Variants in INTS1 observed in about 807,000 individuals in gnomAD.
INTS1 encodes the protein integrator complex subunit 1.
INTS1 carries 137 observed loss-of-function variants against 241.6 expected under a neutral mutation model. The ratio of observed to expected loss-of-function variants is 0.57; its 90% CI spans 0.49 to 0.65. The LOEUF is 0.65. Ranked by LOEUF, INTS1 falls within the 30% of genes least tolerant of loss-of-function variation. INTS1 has a pLI of 0.00. For synonymous variants in INTS1, 1,692 were observed against 1,337.8 expected, an observed-to-expected ratio of 1.26 and a Z score of -5.78; for missense variants, 3,073 against 3,032.2, an observed-to-expected ratio of 1.01 and a Z score of -0.32.
rs181709923 is a variant in INTS1, at chr7:1,482,887, G to A, written c.3542-180C>T. The A allele has an allele frequency of 1.6e-4, 107 of 661,916 alleles. No individual in the cohort carries two copies. The East Asian group carries it at 2.3e-3, about 14-fold the overall frequency. 41.0% of individuals were successfully genotyped at this position (661,916 alleles called of 1,614,324 possible). Reference sequence around the variant, plus strand: ...GTGCGGATGCTTTGCGTAGGTGCACGCATTTGATCCTCACAGATGCTGCAG... The same window carrying A: ...GTGCGGATGCTTTGCGTAGGTGCACACATTTGATCCTCACAGATGCTGCAG... On this transcript the variant is annotated intron_variant, in intron 26 of 47. Coordinates refer to ENST00000404767, the MANE Select transcript of INTS1 (RefSeq NM_001080453.3).
chr7:1,499,788 C>A, intron 5 of INTS1, 96 bp downstream of exon 5: 1 of 1,490,622 alleles, frequency 6.7e-7, no homozygotes, highest in Non-Finnish European at 9.0e-7. Context: ...CTGTCAGACA[C>A]AGCCCTCTGG....
chr7:1,496,172 G>A lies in INTS1; in HGVS notation c.1695C>T (p.Asp565=). 1.2e-6 allele frequency: 2 copies of A among 1,613,712 alleles called. No individual in the cohort carries two copies. Among genetic ancestry groups the A allele is most frequent in the South Asian group, 1.1e-5 (1 of 91,080 alleles). ...CATCCTTACTCCTCTTTTCTCCTTTGTCCCAGGCGATGCCGGCCTCCTTCA... is the reference window on the plus strand; with the variant it reads ...CATCCTTACTCCTCTTTTCTCCTTTATCCCAGGCGATGCCGGCCTCCTTCA... ...AQVKEAGIAW[D]KGEKRNLEVL... Residue 565 remains aspartate (D), a synonymous_variant, in exon 12 of 48, where the codon GAC becomes GAT. Transcript: ENST00000404767.
At chr7:1,485,523 CA>C (rs1562500742) in intron 22 of INTS1, 54 bp from the exon 23 acceptor site, 3 of 1,563,562 alleles carry the variant, frequency 1.9e-6, no homozygotes, top group East Asian at 4.7e-5. Flanking sequence ...GGCAGGGTCT[CA>C]CCCTGGCCCC....
chr7:1,473,286 A>C (rs1343070370), intron 42 of INTS1, 102 bp from the exon 43 acceptor site: 2 of 544,890 alleles, frequency 3.7e-6, no homozygotes, highest in Non-Finnish European at 6.4e-6. Flanking sequence ...GGACACAGGC[A>C]TGCAGGAGAG....
At chr7:1,477,436 G>GA (rs1781774936) in intron 35 of INTS1, 114 bp downstream of exon 35, 1 of 1,198,088 alleles carries the variant, frequency 8.3e-7, no homozygotes, top group African/African-American at 1.5e-5. Context: ...CCTGAGAGCA[G>GA]GGGGGGTGCT....
rs1437672349 is a variant in INTS1, at chr7:1,482,569, T to A, written c.3680A>T (p.Glu1227Val). The A allele has an allele frequency of 6.2e-7, 1 of 1,612,498 alleles. No homozygotes were observed. Among genetic ancestry groups the A allele is most frequent in the African/African-American group, 1.3e-5 (1 of 74,942 alleles). Residue 1227 changes from glutamate to valine, a missense_variant, in exon 27 of 48, where the codon GAG becomes GTG. Transcript: ENST00000404767. ...DWLKLRMIRS[E>V]VLRLVDAALQ... ...ACCGGCGTCCACCAGGCGGAGCACC[T>A]CAGAACGGATCATGCGCAGCTTCAG...
rs372179562 is a variant in INTS1 at position 1,474,153 on chromosome 7, G to T, written c.5829+15C>A. 3.2e-6 allele frequency: 5 copies of T among 1,543,710 alleles called. No homozygotes were observed. The Admixed American group carries it at 9.0e-5, about 28-fold the overall frequency. On this transcript the variant is annotated intron_variant, in intron 41 of 47. Transcript: ENST00000404767. ...AGTGGAAGGGAGCGCGAGGGCGGGC[G>T]GCGGGAGCACACACCAGCAGCAGGC...
In INTS1 at chr7:1,486,661, G is replaced by A. The variant is rs1238803338; in HGVS notation, c.2940C>T (p.Gly980=). The change falls in exon 22 of 48, where the codon GGC becomes GGT. Residue 980 remains glycine (G), a synonymous_variant. Coordinates refer to ENST00000404767, the MANE Select transcript of INTS1 (RefSeq NM_001080453.3). ...GCACGCGGGAGGCCACCTGGGAGGA[G>A]CCGAGGCGCCGCAAGAAGTAGTCCA... The part of the protein sequence containing the change: ...EVLDYFLRRL[G]SSQVASRVLA... The A allele has an allele frequency of 6.2e-7, 1 of 1,611,902 alleles. No individual in the cohort carries two copies. The highest frequency in any genetic ancestry group is 2.2e-5 in the East Asian group (1 of 44,868).
At chr7:1,495,093 G>A (rs1055591826) in intron 13 of INTS1, among the ~76,000 whole-genome samples, 200 bp from the exon 14 acceptor site, 2 of 137,424 alleles carry the variant, frequency 1.5e-5, no homozygotes, top group South Asian at 2.4e-4. Context: ...CACAGCGGCC[G>A]AACGGGGCTG....
At chr7:1,486,417 C>A (rs983509361) in intron 22 of INTS1, among the ~76,000 whole-genome samples, 1 of 151,996 alleles carries the variant, frequency 6.6e-6, no homozygotes, top group African/African-American at 2.4e-5. Context: ...GCCCCCTCCA[C>A]CACGCCCAGC....
chr7:1,471,625 C>G lies in INTS1; in HGVS notation c.6201G>C (p.Leu2067=). Residue 2067 remains leucine, a synonymous_variant, in exon 45 of 48, where the codon CTG becomes CTC. Transcript: ENST00000404767. ...GCCGGGACATCTCGTCTATGTCACT[C>G]AGAACCTCCAGCAGATCTGACACAG... ...GQTVEDLLEV[L]SDIDEMSRRR... is the part of the protein sequence containing the mutation. 1.2e-6 allele frequency: 2 copies of G among 1,612,394 alleles called. No homozygotes were observed. The highest frequency in any genetic ancestry group is 1.1e-5 in the South Asian group (1 of 91,090).
rs1380285175 is a variant in INTS1, at chr7:1,479,520, G to T, written c.4239C>A (p.Leu1413=). ...VRVLQALATL[L]SSPHGGALVM... ...CCAGGGCACCGCCGTGTGGGGAGCT[G>T]AGCAGGGTGGCGAGGGCCTGCAGGA... The change falls in exon 31 of 48, where the codon CTC becomes CTA. Residue 1413 remains leucine (L), a synonymous_variant. Transcript: ENST00000404767. 1.3e-6 allele frequency: 2 copies of T among 1,567,184 alleles called. No individual in the cohort carries two copies. Among genetic ancestry groups the T allele is most frequent in the Admixed American group, 1.9e-5 (1 of 53,672 alleles).
At position 1,481,013 on chromosome 7, in the gene INTS1, T is replaced by C; in HGVS notation, c.3851-80A>G. 1 of 1,045,740 alleles carries C rather than the reference T, an allele frequency of 9.6e-7. No individual in the cohort carries two copies. Among genetic ancestry groups the C allele is most frequent in the South Asian group, 1.4e-5 (1 of 72,064 alleles). The allele number at this position is 1,045,740 out of a possible 1,614,324, so 64.8% of individuals were successfully genotyped here. A position where few individuals can be genotyped will look rare whatever the true frequency, so the allele number is the denominator to read the frequency against. On this transcript the variant is annotated intron_variant, in intron 28 of 47. Coordinates refer to ENST00000404767, the MANE Select transcript of INTS1 (RefSeq NM_001080453.3). The surrounding 1 kb of genome is among the most constrained non-coding windows in gnomAD (Gnocchi z 6.8). ...CCTTCCCTCTCCACAGAAACCAGAG[T>C]TGGAGATGCCCCCACCGTCACCAGC...
chr7:1,472,059 A>T (rs1376626969), intron 44 of INTS1, among the ~76,000 whole-genome samples: 7 of 152,164 alleles, frequency 4.6e-5, no homozygotes, highest in Admixed American at 4.6e-4. Flanking sequence ...CTGTGCCTGA[A>T]GCAGAGCAGC....
chr7:1,500,407 A>G (rs759267758), intron 3 of INTS1, 41 bp from the exon 4 acceptor site: 10 of 1,496,754 alleles, frequency 6.7e-6, no homozygotes, highest in Non-Finnish European at 8.9e-6. Context: ...GGGCCAGGGC[A>G]GGGTCACCCC....
Position 1,479,432 on chromosome 7 carries a change from G to T in INTS1, c.4327C>A (p.Gln1443Lys). Residue 1443 changes from glutamine to lysine, a missense_variant and splice_region_variant, in exon 31 of 48, where the codon CAG (glutamine) becomes AAG (lysine). Transcript: ENST00000404767. ...CPLLRQLCQY[Q>K]RCVPQDTGFS... ...GCAAGAGGCCCACGCCCAAGTACCT[G>T]GTACTGGCAGAGCTGGCGCAGCAGC... The T allele has an allele frequency of 6.3e-7, 1 of 1,576,326 alleles. No homozygotes were observed. The highest frequency in any genetic ancestry group is 8.6e-7 in the Non-Finnish European group (1 of 1,162,006).
At position 1,475,817 on chromosome 7, in the gene INTS1, G is replaced by C. The variant is rs930144120; in HGVS notation, c.5502+131C>G. Reference sequence around the variant, plus strand: ...CGCAGACAAACCCACAGGGCCACAGGGCGGCGCGGACTGGGAAGGGGCAAG... The same window carrying C: ...CGCAGACAAACCCACAGGGCCACAGCGCGGCGCGGACTGGGAAGGGGCAAG... On this transcript the variant is annotated intron_variant, in intron 39 of 47. Coordinates refer to ENST00000404767, the MANE Select transcript of INTS1 (RefSeq NM_001080453.3). 7.7e-6 allele frequency: 9 copies of C among 1,166,570 alleles called. No individual in the cohort carries two copies. In the African/African-American group the frequency reaches 1.4e-4, roughly 18 times the overall value. 72.3% of individuals were successfully genotyped at this position (1,166,570 alleles called of 1,614,324 possible). A position where few individuals can be genotyped will look rare whatever the true frequency, so the allele number is the denominator to read the frequency against.
chr7:1,486,948 T>C lies in INTS1; in HGVS notation c.2800A>G (p.Lys934Glu). Reference sequence around the variant, plus strand: ...TGCCGCTTCTTGGCCTTCTGCTCCTTGCTCTCGCCCTCGTCGTCCTCCTCC... The same window carrying C: ...TGCCGCTTCTTGGCCTTCTGCTCCTCGCTCTCGCCCTCGTCGTCCTCCTCC... ...SGEEDDEGES[K>E]EQKAKKRQRQ... The change falls in exon 21 of 48, where the codon AAG becomes GAG. Residue 934 changes from lysine (K) to glutamate (E), a missense_variant. Transcript: ENST00000404767. 6.2e-7 allele frequency: 1 copy of C among 1,606,914 alleles called. No individual in the cohort carries two copies. The highest frequency in any genetic ancestry group is 8.5e-7 in the Non-Finnish European group (1 of 1,179,096).
Position 1,485,250 on chromosome 7 carries a change from TCTCATCTTTCCCTGCCGCGGCCCC to T in INTS1, c.3156+16_3156+39del, listed in dbSNP as rs774011050. ...CGGCAACAGGGCAGGGCTGCGGCCCTCTCATCTTTCCCTGCCGCGGCCCCGGTCAGCGCCCTCACCTGCTGCAGG... is the reference window on the plus strand; with the variant it reads ...CGGCAACAGGGCAGGGCTGCGGCCCTGGTCAGCGCCCTCACCTGCTGCAGG... On this transcript the variant is annotated intron_variant, in intron 23 of 47. Transcript: ENST00000404767. 1.9e-6 allele frequency: 3 copies of T among 1,597,302 alleles called. No homozygotes were observed. The highest frequency in any genetic ancestry group is 2.6e-6 in the Non-Finnish European group (3 of 1,175,702).
Sources: gnomAD v4.1 joint callset for allele counts (sites outside exome capture counted in the v4.1 genomes callset) on GRCh38, gnomAD v4.1.1 for gene constraint, Gnocchi (gnomAD v3.1) non-coding constraint, MANE v1.5 for transcripts, NCBI Gene and HGNC (gene_info 2026-07-23, HGNC 2026-07-21) for gene names.